The following MTCH1 variants were observed in gnomAD, a reference collection of about 807,000 sequenced individuals.
The protein encoded by MTCH1 is mitochondrial carrier 1.
A neutral mutation model predicts 49.3 loss-of-function variants in MTCH1; 23 were observed. The observed-to-expected ratio is 0.47, with a 90% CI of 0.34 to 0.66. MTCH1 has a LOEUF of 0.66. Among genes scored for constraint, MTCH1 ranks in the 30% least tolerant of loss-of-function variants. MTCH1 has a pLI of 0.01. For missense variants in MTCH1, 397 were observed against 532.1 expected, an observed-to-expected ratio of 0.75 and a Z score of 2.50; for synonymous variants, 229 against 215.2, an observed-to-expected ratio of 1.06 and a Z score of -0.56.
Position 36,973,958 on chromosome 6 carries a change from G to A in MTCH1, c.762-1162C>T, listed in dbSNP as rs117412724. On this transcript the variant is annotated intron_variant, in intron 7 of 11. Transcript: ENST00000373627. ...AGAAAGCACATACTGAAAAGACTAT[G>A]TTCAGAAAGAATAAAGCACAGACAG... 1.5e-3 allele frequency among the ~76,000 whole-genome samples: 221 copies of A among 152,318 alleles called. 3 individuals carry two copies. The highest frequency in any genetic ancestry group is 0.014 in the Middle Eastern group (4 of 294).
intron 10 of MTCH1, 62 bp downstream of exon 10, chr6:36,970,344 T>A: frequency 6.3e-7 from 1 of 1,595,636 alleles, no homozygotes; most frequent in Non-Finnish European, 8.6e-7. Context: ...AAGGGCTCGG[T>A]GGGTCTCCCC....
At position 36,977,235 on chromosome 6, in the gene MTCH1, C is replaced by T; in HGVS notation, c.665G>A (p.Cys222Tyr). Reference protein sequence around the residue: ...AHPLHVISMRCMVQFVGREAK... With the variant: ...AHPLHVISMRYMVQFVGREAK... ...CTCCCGTCCCACAAACTGGACCATG[C>T]AGCGCATTGAGATGACTGAGGAAAA... The change falls in exon 6 of 12, where the codon TGC becomes TAC. Residue 222 changes from cysteine (C) to tyrosine (Y), a missense_variant. Around this residue, in one of 2 missense-constraint regions of MTCH1, gnomAD observed 252 missense variants for 388.3 expected, o/e 0.65. Coordinates refer to ENST00000373627, the MANE Select transcript of MTCH1 (RefSeq NM_001271641.2). The surrounding 1 kb of genome is among the most constrained non-coding windows in gnomAD (Gnocchi z 5.4). 1 of 1,614,076 alleles carries T rather than the reference C, an allele frequency of 6.2e-7. No homozygotes were observed.
At chr6:36,973,528 T>C (rs1034250765) in intron 7 of MTCH1, among the ~76,000 whole-genome samples, 2 of 152,234 alleles carry the variant, frequency 1.3e-5, no homozygotes, top group Non-Finnish European at 2.9e-5. Flanking sequence ...AAAGAATATA[T>C]GTAATACATC....
At position 36,974,202 on chromosome 6, in the gene MTCH1, A is replaced by AT. The variant is rs530306531; in HGVS notation, c.762-1407dup. On this transcript the variant is annotated intron_variant, in intron 7 of 11. Coordinates refer to ENST00000373627, the MANE Select transcript of MTCH1 (RefSeq NM_001271641.2). Reference sequence around the variant, plus strand: ...CACTATTGACATTTTGGGCTGAATAATTTTTTTTTTCCCCAAGAGACAGGG... The same window carrying AT: ...CACTATTGACATTTTGGGCTGAATAATTTTTTTTTTTCCCCAAGAGACAGGG... Among the ~76,000 whole-genome samples the AT allele has an allele frequency of 8.0e-5, 12 of 150,220 alleles. No individual in the cohort carries two copies. The East Asian group carries it at 1.2e-3, about 15-fold the overall frequency.
chr6:36,970,962 G>A, intron 8 of MTCH1: 1 of 530,296 alleles, frequency 1.9e-6, no homozygotes, highest in Non-Finnish European at 3.4e-6. Flanking sequence ...AGCCTCAAGG[G>A]CTGAGCCCGT....
chr6:36,971,234 G>A (rs1283183011), intron 8 of MTCH1, among the ~76,000 whole-genome samples: 2 of 152,206 alleles, frequency 1.3e-5, no homozygotes, highest in Non-Finnish European at 2.9e-5. Context: ...CCAGATCGAT[G>A]GCCTGGGTTC....
chr6:36,972,159 A>C lies in MTCH1; in HGVS notation c.906+493T>G, dbSNP rs1433580959. On this transcript the variant is annotated intron_variant, in intron 8 of 11. Coordinates refer to ENST00000373627, the MANE Select transcript of MTCH1 (RefSeq NM_001271641.2). The surrounding 1 kb of genome is among the most constrained non-coding windows in gnomAD (Gnocchi z 4.1). ...CAGTTCCAGCTGAGTGACTCTGGAGAGCCCAGAGCCTCTCCAGAATTTGTG... is the reference window on the plus strand; with the variant it reads ...CAGTTCCAGCTGAGTGACTCTGGAGCGCCCAGAGCCTCTCCAGAATTTGTG... 6.6e-6 allele frequency among the ~76,000 whole-genome samples: 1 copy of C among 151,992 alleles called. No individual in the cohort carries two copies. The highest frequency in any genetic ancestry group is 1.5e-5 in the Non-Finnish European group (1 of 68,004).
rs1359466225 is a variant in MTCH1, at chr6:36,972,717, G to A, written c.841C>T (p.Leu281=). ...NLLAHFINAY[L]VDDSVSDTPG... The stretch of plus-strand genomic sequence containing the variant: ...GTGTCACTCACGCTGTCATCCACCA[G>A]GTAGGCATTGATGAAGTGGGCCAGC... The change falls in exon 8 of 12, where the codon CTG becomes TTG. Residue 281 remains leucine (L), a synonymous_variant. Coordinates refer to ENST00000373627, the MANE Select transcript of MTCH1 (RefSeq NM_001271641.2). This position sits in a 1 kb window ranked among gnomAD's most constrained non-coding sequence, Gnocchi z 4.1. 1 of 1,552,846 alleles carries A rather than the reference G, an allele frequency of 6.4e-7. No homozygotes were observed.
rs1273910007 is a variant in MTCH1 at position 36,986,028 on chromosome 6, G to A, written c.146C>T (p.Ala49Val). ...RARDPPPAHR[A>V]HPRHPRPAAQ... ...CGCAGGCCGAGGGTGGCGAGGATGTGCGCGGTGCGCGGGCGGTGGATCGCG... is the reference window on the plus strand; with the variant it reads ...CGCAGGCCGAGGGTGGCGAGGATGTACGCGGTGCGCGGGCGGTGGATCGCG... The change falls in exon 1 of 12, where the codon GCA (alanine) becomes GTA (valine). Residue 49 changes from alanine to valine, a missense_variant. This residue lies in a region of MTCH1 where 145 missense variants were observed against 143.8 expected (regional missense o/e 1.01). Transcript: ENST00000373627. 1 of 1,512,090 alleles carries A rather than the reference G, an allele frequency of 6.6e-7. No individual in the cohort carries two copies. The highest frequency in any genetic ancestry group is 1.2e-5 in the South Asian group (1 of 81,712). 93.7% of individuals were successfully genotyped at this position (1,512,090 alleles called of 1,614,324 possible).
At chr6:36,975,507 T>C (rs1370366991) in intron 7 of MTCH1, 151 bp downstream of exon 7, 1 of 705,852 alleles carries the variant, frequency 1.4e-6, no homozygotes, top group African/African-American at 1.8e-5. Flanking sequence ...GGACACGCTA[T>C]GGAGCTCTGG....
chr6:36,973,823 C>T (rs1763764715), intron 7 of MTCH1, among the ~76,000 whole-genome samples: 1 of 152,248 alleles, frequency 6.6e-6, no homozygotes, highest in South Asian at 2.1e-4. Context: ...TTCTGTAGAG[C>T]AGCCATTGGC....
Position 36,968,787 on chromosome 6 carries a change from C to G in MTCH1, c.*116G>C, listed in dbSNP as rs746927170. 2.4e-5 allele frequency: 36 copies of G among 1,498,492 alleles called. No homozygotes were observed. The highest frequency in any genetic ancestry group is 2.0e-4 in the Admixed American group (11 of 55,060). The allele number at this position is 1,498,492 out of a possible 1,614,324, so 92.8% of individuals were successfully genotyped here. On this transcript the variant is annotated 3_prime_UTR_variant, in exon 12 of 12. Transcript: ENST00000373627. ...TGGCAAATATGGAACTGAAGCCCGG[C>G]TGGGCTGGAGCACATCTGGTTGTTG... is the stretch of plus-strand genomic sequence containing the variant.
intron 8 of MTCH1, chr6:36,971,003 C>T (rs549254336): frequency 3.3e-5 from 15 of 459,680 alleles, no homozygotes; most frequent in Middle Eastern, 6.5e-4. Context: ...GGGCTTGGCA[C>T]GCAGTCAGTG....
rs1763561496 is a variant in MTCH1 at position 36,968,627 on chromosome 6, C to T, written c.*276G>A. On this transcript the variant is annotated 3_prime_UTR_variant, in exon 12 of 12. Coordinates refer to ENST00000373627, the MANE Select transcript of MTCH1 (RefSeq NM_001271641.2). ...CCATTCTCTGGCCCTCTGCACAAGA[C>T]AGACTCAGCAAATCTGCGAGGTATG... The T allele has an allele frequency of 5.9e-6, 3 of 508,130 alleles. No individual in the cohort carries two copies. Among genetic ancestry groups the T allele is most frequent in the Non-Finnish European group, 1.2e-5 (3 of 259,206 alleles). 31.5% of individuals were successfully genotyped at this position (508,130 alleles called of 1,614,324 possible).
At chr6:36,978,437 C>T in intron 3 of MTCH1, 68 bp downstream of exon 3, 1 of 1,488,230 alleles carries the variant, frequency 6.7e-7, no homozygotes, top group Non-Finnish European at 9.3e-7. Flanking sequence ...GGGTAACTGG[C>T]TGCTGCAGGG....
chr6:36,975,602 C>A, intron 7 of MTCH1, 56 bp downstream of exon 7: 2 of 1,550,456 alleles, frequency 1.3e-6, no homozygotes, highest in Non-Finnish European at 1.8e-6. Context: ...GTTGAGGACA[C>A]ACCTGTTAGC....
At chr6:36,970,237 G>A in intron 10 of MTCH1, 123 bp from the exon 11 acceptor site, 1 of 1,420,314 alleles carries the variant, frequency 7.0e-7, no homozygotes, top group Non-Finnish European at 9.7e-7. Flanking sequence ...TGACACCACA[G>A]TTTACCCCAG....
chr6:36,974,060 G>A (rs893126252), intron 7 of MTCH1, among the ~76,000 whole-genome samples: 1 of 152,170 alleles, frequency 6.6e-6, no homozygotes, highest in Non-Finnish European at 1.5e-5. Context: ...CATGCTGATA[G>A]GTATGTCACA....
Position 36,986,162 on chromosome 6 carries a change from C to T in MTCH1, c.12G>A (p.Ser4=), listed in dbSNP as rs533263243. 276 of 1,435,256 alleles carry T rather than the reference C, an allele frequency of 1.9e-4. No individual in the cohort carries two copies. In the East Asian group the frequency reaches 6.8e-3, roughly 35 times the overall value. The allele number at this position is 1,435,256 out of a possible 1,614,324, so 88.9% of individuals were successfully genotyped here. MGA[S]DPEVAPWARG... is the part of the protein sequence containing the mutation. ...GAGCCCAGGGCGCCACTTCCGGGTC[C>T]GAAGCTCCCATGGCGCCCGGCGGCG... is the stretch of plus-strand genomic sequence containing the variant. The change falls in exon 1 of 12, where the codon TCG becomes TCA. Residue 4 remains serine, a synonymous_variant. Coordinates refer to ENST00000373627, the MANE Select transcript of MTCH1 (RefSeq NM_001271641.2).
Sources: allele counts gnomAD v4.1 joint callset (sites outside exome capture counted in the v4.1 genomes callset), GRCh38; gene constraint gnomAD v4.1.1; regional missense constraint gnomAD v4.1.1; non-coding constraint Gnocchi (gnomAD v3.1); transcripts MANE v1.5; gene names NCBI Gene and HGNC (gene_info 2026-07-23, HGNC 2026-07-21).